Variants in KGD4 observed in about 807,000 individuals in gnomAD.
The protein encoded by KGD4 is alpha-ketoglutarate dehydrogenase component 4.
chr5:69,218,850 C>T, the KGD4 span, among the ~76,000 whole-genome samples: 1 of 152,130 alleles, frequency 6.6e-6, no homozygotes, highest in Non-Finnish European at 1.5e-5. Flanking sequence ...GGTCCCATTG[C>T]AATGAATGAT....
At chr5:69,217,898 T>C in the KGD4 span, 1 of 1,613,984 alleles carries the variant, frequency 6.2e-7, no homozygotes, top group Non-Finnish European at 8.5e-7. Context: ...CGTTTCCGCA[T>C]CTTGGGCGGT....
chr5:69,223,639 A>G, the KGD4 span, among the ~76,000 whole-genome samples: 1 of 152,246 alleles, frequency 6.6e-6, no homozygotes, highest in South Asian at 2.1e-4. Context: ...TTAGATTCTT[A>G]GCATTGTATA....
the KGD4 span, among the ~76,000 whole-genome samples, chr5:69,220,054 A>AC: frequency 2.6e-5 from 4 of 151,902 alleles, no homozygotes; most frequent in African/African-American, 4.8e-5. Context: ...AAATAGCAAG[A>AC]CCCCATCTCT....
the KGD4 span, chr5:69,226,331 C>G: frequency 6.3e-7 from 1 of 1,593,356 alleles, no homozygotes; most frequent in Non-Finnish European, 8.6e-7. Context: ...TATTACTTTT[C>G]ATTTAGGTAG....
At chr5:69,219,293 G>A in the KGD4 span, among the ~76,000 whole-genome samples, 5 of 152,244 alleles carry the variant, frequency 3.3e-5, no homozygotes, top group East Asian at 1.9e-4. Flanking sequence ...TATTGCCCAA[G>A]AGAAGTGAAT....
At chr5:69,220,560 A>G in the KGD4 span, among the ~76,000 whole-genome samples, 2 of 150,748 alleles carry the variant, frequency 1.3e-5, no homozygotes, top group Admixed American at 6.6e-5. Context: ...CCCGTCTGGG[A>G]TGTGAGGAGC....
the KGD4 span, among the ~76,000 whole-genome samples, chr5:69,227,110 A>G: frequency 5.3e-5 from 8 of 152,134 alleles, no homozygotes; most frequent in African/African-American, 1.9e-4. Flanking sequence ...ATCTCAGGTG[A>G]TCTGCCTGCC....
the KGD4 span, among the ~76,000 whole-genome samples, chr5:69,223,794 C>T: frequency 2.0e-5 from 3 of 152,220 alleles, no homozygotes; most frequent in African/African-American, 7.2e-5. Flanking sequence ...GGCATGGTGG[C>T]TCACGCCTGT....
At chr5:69,222,095 CTG>C in the KGD4 span, among the ~76,000 whole-genome samples, 1 of 151,478 alleles carries the variant, frequency 6.6e-6, no homozygotes, top group South Asian at 2.1e-4. Context: ...TATTTGGCAA[CTG>C]TTACTTGGGC....
chr5:69,224,897 AC>A, the KGD4 span, among the ~76,000 whole-genome samples: 1 of 151,066 alleles, frequency 6.6e-6, no homozygotes, highest in African/African-American at 2.4e-5. Context: ...ACACGGTGAA[AC>A]CCCGTCTCTA....
the KGD4 span, among the ~76,000 whole-genome samples, chr5:69,227,028 C>T: frequency 2.3e-4 from 35 of 152,108 alleles, no homozygotes; most frequent in East Asian, 4.3e-3. Flanking sequence ...TACACTAGCA[C>T]GCCTGGCTAA....
chr5:69,220,721 G>A, the KGD4 span, among the ~76,000 whole-genome samples: 6 of 152,072 alleles, frequency 3.9e-5, no homozygotes, highest in African/African-American at 4.8e-5. Context: ...CCATGATGAC[G>A]ATGGCGGTTT....
At chr5:69,218,009 G>A in the KGD4 span, 17 of 1,395,568 alleles carry the variant, frequency 1.2e-5, no homozygotes, top group Admixed American at 5.9e-5. Context: ...CGGCGCCCGC[G>A]GGTGTGTGTG....
chr5:69,229,317 C>T, the KGD4 span: 2 of 967,676 alleles, frequency 2.1e-6, no homozygotes, highest in African/African-American at 1.7e-5. Flanking sequence ...ATATTAAACA[C>T]CTTTAATAAA....
chr5:69,229,021 C>CAAAA, the KGD4 span, among the ~76,000 whole-genome samples: 3 of 50,486 alleles, frequency 5.9e-5, no homozygotes, highest in Admixed American at 3.1e-4. Context: ...AACTCCATCT[C>CAAAA]AAAAAAAAAA....
chr5:69,219,777 A>G, the KGD4 span, among the ~76,000 whole-genome samples: 1 of 152,154 alleles, frequency 6.6e-6, no homozygotes, highest in East Asian at 1.9e-4. Context: ...GTGAACCACA[A>G]TCACCCCACT....
the KGD4 span, among the ~76,000 whole-genome samples, chr5:69,221,445 A>T: frequency 6.6e-6 from 1 of 152,338 alleles, no homozygotes; most frequent in African/African-American, 2.4e-5. Context: ...TATAAGAGGC[A>T]TAGCTAAAAC....
At chr5:69,224,299 G>A in the KGD4 span, among the ~76,000 whole-genome samples, 2 of 151,792 alleles carry the variant, frequency 1.3e-5, no homozygotes, top group Admixed American at 6.6e-5. Context: ...GCTGAGGCAG[G>A]AGAATTGCTT....
At chr5:69,223,670 C>T in the KGD4 span, among the ~76,000 whole-genome samples, 2 of 91,512 alleles carry the variant, frequency 2.2e-5, no homozygotes, top group Middle Eastern at 3.9e-3. Flanking sequence ...TTCATATTGA[C>T]AGGTCCATTT....
Sources: allele counts gnomAD v4.1 joint callset (sites outside exome capture counted in the v4.1 genomes callset), GRCh38; gene constraint gnomAD v4.1.1; transcripts MANE v1.5; gene names NCBI Gene and HGNC (gene_info 2026-07-23, HGNC 2026-07-21).